The following FOXP1 variants were observed in gnomAD, a reference collection of about 807,000 sequenced individuals.
The protein encoded by FOXP1 is forkhead box P1, also known as forkhead box protein P1.
A neutral mutation model predicts 98.2 loss-of-function variants in FOXP1; 15 were observed. That is an observed-to-expected ratio of 0.15 (90% CI 0.10 to 0.24). The LOEUF (loss-of-function observed/expected upper bound fraction) is 0.24, where lower values mean the gene tolerates loss of function less well. Among genes scored for constraint, FOXP1 ranks in the 10% least tolerant of loss-of-function variants. The pLI is 1.00. For missense variants in FOXP1, 633 were observed against 848.5 expected (o/e 0.75, Z 3.15); for synonymous variants, 371 against 314.5 (o/e 1.18, Z -1.90).
intron 2 of FOXP1, among the ~76,000 whole-genome samples, chr3:71,496,096 C>T (rs911108044): frequency 1.3e-5 from 2 of 152,068 alleles, no homozygotes; most frequent in Non-Finnish European, 2.9e-5. Flanking sequence ...TAGTAAAATT[C>T]CAGAATTTTT....
Position 71,568,717 on chromosome 3 carries a change from G to T in FOXP1, c.-298+12832C>A, listed in dbSNP as rs557985428. ...GCTGGAGTGAAGTGGCGTGATCTCA[G>T]CTCACTGCAACCTCTGCCTCCCCGG... On this transcript the variant is annotated intron_variant, in intron 2 of 20. Coordinates refer to ENST00000649528, the MANE Select transcript of FOXP1 (RefSeq NM_001349338.3). 2.0e-3 allele frequency among the ~76,000 whole-genome samples: 307 copies of T among 151,928 alleles called. 2 individuals carry two copies. Among genetic ancestry groups the T allele is most frequent in the African/African-American group, 7.2e-3 (298 of 41,412 alleles).
Position 71,174,785 on chromosome 3 carries a change from TACACACACACAC to T in FOXP1, c.180+23405_180+23416del, listed in dbSNP as rs3064896. On this transcript the variant is annotated intron_variant, in intron 6 of 20. Coordinates refer to ENST00000649528, the MANE Select transcript of FOXP1 (RefSeq NM_001349338.3). ...CGAATACACAATGTATGCACATGCATACACACACACACACACACACACACACACACACACACA... is the reference window on the plus strand; with the variant it reads ...CGAATACACAATGTATGCACATGCATACACACACACACACACACACACACA... Among the ~76,000 whole-genome samples, 749 of 131,754 alleles carry T rather than the reference TACACACACACAC, an allele frequency of 5.7e-3. 12 individuals are homozygous for T. The highest frequency in any genetic ancestry group is 0.018 in the African/African-American group (659 of 35,870). 86.4% of individuals were successfully genotyped at this position (131,754 alleles called of 152,430 possible).
intron 7 of FOXP1, among the ~76,000 whole-genome samples, chr3:71,069,010 A>G (rs1228169744): frequency 1.3e-5 from 2 of 152,186 alleles, no homozygotes; most frequent in African/African-American, 4.8e-5. Context: ...AAATTAATAC[A>G]TCATCCATCT....
intron 5 of FOXP1, chr3:71,210,671 C>T (rs1275025620): frequency 2.6e-5 from 4 of 152,150 alleles, no homozygotes; most frequent in African/African-American, 7.2e-5. Flanking sequence ...GAGAACAGAA[C>T]GTTCTCAGAT....
chr3:71,396,258 CTCAGTAAGTG>C, intron 3 of FOXP1, among the ~76,000 whole-genome samples: 1 of 152,236 alleles, frequency 6.6e-6, no homozygotes, highest in African/African-American at 2.4e-5. Context: ...GAGCAGGAAG[CTCAGTAAGTG>C]TCAGGTGTAA....
At chr3:71,447,639 T>C (rs1310082073) in intron 3 of FOXP1, among the ~76,000 whole-genome samples, 1 of 152,060 alleles carries the variant, frequency 6.6e-6, no homozygotes, top group East Asian at 1.9e-4. Context: ...AGCAGCATGG[T>C]TCTTTAAAGG....
At chr3:71,442,702 AC>A (rs2086057171) in intron 3 of FOXP1, among the ~76,000 whole-genome samples, 2 of 151,918 alleles carry the variant, frequency 1.3e-5, no homozygotes, top group Non-Finnish European at 2.9e-5. Flanking sequence ...AGTCACTCCC[AC>A]GTCTGGATTT....
At chr3:71,545,284 T>C (rs2045270645) in intron 2 of FOXP1, among the ~76,000 whole-genome samples, 1 of 152,230 alleles carries the variant, frequency 6.6e-6, no homozygotes, top group Admixed American at 6.5e-5. Flanking sequence ...TGTCTGGGCC[T>C]AATTTTCTTT....
chr3:71,369,390 A>C (rs2079137323), intron 3 of FOXP1, among the ~76,000 whole-genome samples: 1 of 151,900 alleles, frequency 6.6e-6, no homozygotes, highest in African/African-American at 2.4e-5. Context: ...ACTCCGTCTC[A>C]AAAAAACAAA....
intron 14 of FOXP1, among the ~76,000 whole-genome samples, chr3:70,987,697 C>T (rs1385888072): frequency 6.6e-6 from 1 of 152,176 alleles, no homozygotes; most frequent in African/African-American, 2.4e-5. Context: ...CCAGGGAGCT[C>T]TCATAATGTA....
chr3:71,506,040 A>G (rs911920818), intron 2 of FOXP1, among the ~76,000 whole-genome samples: 1 of 152,222 alleles, frequency 6.6e-6, no homozygotes, highest in Non-Finnish European at 1.5e-5. Flanking sequence ...AGACAACAAT[A>G]AGAGCCTTGT....
intron 7 of FOXP1, among the ~76,000 whole-genome samples, chr3:71,073,500 G>A (rs2053489281): frequency 6.6e-6 from 1 of 152,198 alleles, no homozygotes; most frequent in African/African-American, 2.4e-5. Flanking sequence ...ACATAGAGAA[G>A]GCTACCTGGA....
Position 71,288,720 on chromosome 3 carries a change from C to T in FOXP1, c.-12+11100G>A, listed in dbSNP as rs191721467. 2.6e-3 allele frequency among the ~76,000 whole-genome samples: 390 copies of T among 152,262 alleles called. 2 individuals are homozygous for T. Among genetic ancestry groups the T allele is most frequent in the Admixed American group, 4.4e-3 (68 of 15,298 alleles). ...CCTTTTTCACTGCTCACAGGTTGTACTATGACCCAAACTTCACAAAAATGA... is the reference window on the plus strand; with the variant it reads ...CCTTTTTCACTGCTCACAGGTTGTATTATGACCCAAACTTCACAAAAATGA... On this transcript the variant is annotated intron_variant, in intron 5 of 20. Coordinates refer to ENST00000649528, the MANE Select transcript of FOXP1 (RefSeq NM_001349338.3).
chr3:71,016,963 A>G (rs2044587812), intron 11 of FOXP1, among the ~76,000 whole-genome samples: 1 of 152,102 alleles, frequency 6.6e-6, no homozygotes, highest in Non-Finnish European at 1.5e-5. Flanking sequence ...ATTTAAAGAT[A>G]ATAACAAGCT....
intron 11 of FOXP1, among the ~76,000 whole-genome samples, chr3:71,024,002 A>G (rs373663153): frequency 1.3e-5 from 2 of 152,154 alleles, no homozygotes; most frequent in Non-Finnish European, 2.9e-5. Context: ...TTTACAGTGT[A>G]TTCTTCTGGC....
chr3:71,032,275 GCT>G (rs1226207250), intron 11 of FOXP1, among the ~76,000 whole-genome samples: 5 of 152,260 alleles, frequency 3.3e-5, no homozygotes, highest in Non-Finnish European at 7.3e-5. Flanking sequence ...TGGCAATTGT[GCT>G]CTGTCTGTGC....
chr3:71,524,979 T>A (rs1267341752), intron 2 of FOXP1, among the ~76,000 whole-genome samples: 1 of 152,144 alleles, frequency 6.6e-6, no homozygotes, highest in East Asian at 1.9e-4. Flanking sequence ...ACAGCTCACA[T>A]CCCACGGATA....
At chr3:71,060,572 TA>T (rs2051338249) in intron 7 of FOXP1, among the ~76,000 whole-genome samples, 1 of 152,000 alleles carries the variant, frequency 6.6e-6, no homozygotes, top group Non-Finnish European at 1.5e-5. Flanking sequence ...CAGGAAAAAG[TA>T]AAAGAAATTA....
intron 4 of FOXP1, among the ~76,000 whole-genome samples, chr3:71,351,955 G>A (rs2077810911): frequency 6.6e-6 from 1 of 152,120 alleles, no homozygotes; most frequent in Admixed American, 6.6e-5. Flanking sequence ...ATCAAATTGC[G>A]ACACACTTTT....
Sources: gnomAD v4.1 joint callset for allele counts (sites outside exome capture counted in the v4.1 genomes callset) on GRCh38, gnomAD v4.1.1 for gene constraint, MANE v1.5 for transcripts, NCBI Gene and HGNC (gene_info 2026-07-23, HGNC 2026-07-21) for gene names.